Variants in CCSER1 observed in about 807,000 individuals in gnomAD.
CCSER1 encodes serine-rich coiled-coil domain-containing protein 1.
Under a neutral mutation model 82.0 loss-of-function variants are expected in CCSER1, and 41 were observed. The observed-to-expected ratio is 0.50, with a 90% confidence interval of 0.39 to 0.65. CCSER1 has a LOEUF of 0.65. Among genes scored for constraint, CCSER1 ranks in the 30% least tolerant of loss-of-function variants. CCSER1 has a pLI of 0.00. For synonymous variants in CCSER1, 414 were observed against 383.9 expected (o/e 1.08, Z -0.92); for missense variants, 1,119 against 1,064.2 (o/e 1.05, Z -0.72).
chr4:91,516,460 G>C (rs1760131485), intron 10 of CCSER1, among the ~76,000 whole-genome samples: 1 of 152,108 alleles, frequency 6.6e-6, no homozygotes, highest in Non-Finnish European at 1.5e-5. Flanking sequence ...TTATTGAATA[G>C]GAATACCTTT....
In CCSER1 at chr4:90,781,494, T is replaced by C. The variant is rs146248450; in HGVS notation, c.2011-34268T>C. ...CATAAAGCCCATGGAACTGAGTGTG[T>C]AATCTTCTCTTATTTGATTAGATGT... On this transcript the variant is annotated intron_variant, in intron 7 of 10. Coordinates refer to ENST00000509176, the MANE Select transcript of CCSER1 (RefSeq NM_001145065.2). 1.6e-4 allele frequency: 159 copies of C among 985,148 alleles called. No individual in the cohort carries two copies. The African/African-American group carries it at 2.7e-3, about 17-fold the overall frequency. The allele number at this position is 985,148 out of a possible 1,614,324, so 61.0% of individuals were successfully genotyped here.
chr4:90,150,878 A>G (rs1375787577), intron 1 of CCSER1, among the ~76,000 whole-genome samples: 2 of 152,168 alleles, frequency 1.3e-5, no homozygotes, highest in Non-Finnish European at 2.9e-5. Context: ...AAATGTATCC[A>G]ATGTATCTCA....
chr4:91,502,151 G>A (rs962320512), intron 10 of CCSER1, among the ~76,000 whole-genome samples: 1 of 152,158 alleles, frequency 6.6e-6, no homozygotes, highest in African/African-American at 2.4e-5. Flanking sequence ...GGACTGCCAG[G>A]GCTTTGAGGA....
intron 9 of CCSER1, among the ~76,000 whole-genome samples, chr4:90,976,855 A>G (rs1019718992): frequency 2.6e-5 from 4 of 151,554 alleles, no homozygotes; most frequent in Non-Finnish European, 5.9e-5. Context: ...CCTCTGTGGT[A>G]CACACAGAAA....
chr4:91,184,624 A>G (rs1050412902), intron 10 of CCSER1, among the ~76,000 whole-genome samples: 1 of 152,182 alleles, frequency 6.6e-6, no homozygotes, highest in Non-Finnish European at 1.5e-5. Context: ...CTCTTTACTT[A>G]GCAGCCATTG....
intron 10 of CCSER1, among the ~76,000 whole-genome samples, chr4:91,265,218 TTTGA>T (rs1485122523): frequency 6.6e-6 from 1 of 152,018 alleles, no homozygotes; most frequent in Non-Finnish European, 1.5e-5. Flanking sequence ...TCTTTGGAAC[TTTGA>T]TTAATTTAGA....
chr4:91,468,559 T>G (rs938418569), intron 10 of CCSER1, among the ~76,000 whole-genome samples: 1 of 151,988 alleles, frequency 6.6e-6, no homozygotes, highest in Non-Finnish European at 1.5e-5. Context: ...TAGGAATAGT[T>G]TTTTTTGATA....
At chr4:91,153,515 A>G (rs1333821972) in intron 10 of CCSER1, among the ~76,000 whole-genome samples, 2 of 151,928 alleles carry the variant, frequency 1.3e-5, no homozygotes, top group African/African-American at 4.8e-5. Context: ...TCTTCTCTCA[A>G]CTTGTCAAAG....
intron 10 of CCSER1, among the ~76,000 whole-genome samples, chr4:91,222,333 T>G (rs768360349): frequency 3.7e-4 from 57 of 152,012 alleles, no homozygotes; most frequent in Non-Finnish European, 7.5e-4. Context: ...CTGTAAAACC[T>G]CTTTGAATCT....
At chr4:90,584,197 A>G (rs1781736700) in intron 5 of CCSER1, among the ~76,000 whole-genome samples, 1 of 152,202 alleles carries the variant, frequency 6.6e-6, no homozygotes, top group African/African-American at 2.4e-5. Flanking sequence ...TGATCTCAAC[A>G]TAAGGAGATT....
At chr4:90,716,697 CA>C (rs1464656959) in intron 6 of CCSER1, among the ~76,000 whole-genome samples, 1 of 152,028 alleles carries the variant, frequency 6.6e-6, no homozygotes, top group African/African-American at 2.4e-5. Flanking sequence ...AGCCTGAGAG[CA>C]ATACGCTAAA....
intron 10 of CCSER1, among the ~76,000 whole-genome samples, chr4:91,189,224 T>C (rs1734811907): frequency 6.6e-6 from 1 of 152,136 alleles, no homozygotes; most frequent in Non-Finnish European, 1.5e-5. Flanking sequence ...ACAATTTGTC[T>C]TCATCATCAA....
In CCSER1 at chr4:90,127,629, CT is replaced by C. The variant is rs1489407922; in HGVS notation, c.-243del. 1 of 152,934 alleles carries C rather than the reference CT, an allele frequency of 6.5e-6. No individual in the cohort carries two copies. Among genetic ancestry groups the C allele is most frequent in the Non-Finnish European group, 1.5e-5 (1 of 68,614 alleles). The allele number at this position is 152,934 out of a possible 1,614,324, so 9.5% of individuals were successfully genotyped here. On this transcript the variant is annotated 5_prime_UTR_variant, in exon 1 of 11. The change abolishes the stop of an existing upstream ORF in the 5' untranslated region. Coordinates refer to ENST00000509176, the MANE Select transcript of CCSER1 (RefSeq NM_001145065.2). Reference sequence around the variant, plus strand: ...GGAAGCGGTGGCTCGGGCAGAGCAGCTCCGCTGGCGCAGGCAGGAGGAGCAG... The same window carrying C: ...GGAAGCGGTGGCTCGGGCAGAGCAGCCCGCTGGCGCAGGCAGGAGGAGCAG...
At chr4:90,907,710 T>G (rs1231360204) in intron 8 of CCSER1, among the ~76,000 whole-genome samples, 1 of 152,098 alleles carries the variant, frequency 6.6e-6, no homozygotes, top group Admixed American at 6.6e-5. Flanking sequence ...TTGTTTAATA[T>G]CCTCACTTTT....
At chr4:90,432,609 CTCTT>C (rs1758446537) in intron 4 of CCSER1, among the ~76,000 whole-genome samples, 3 of 149,792 alleles carry the variant, frequency 2.0e-5, no homozygotes, top group South Asian at 2.1e-4. Context: ...CTTTCTTTCT[CTCTT>C]TCTTTATTTT....
intron 10 of CCSER1, among the ~76,000 whole-genome samples, chr4:91,108,802 A>G (rs1363113616): frequency 2.0e-5 from 3 of 152,222 alleles, no homozygotes; most frequent in Non-Finnish European, 2.9e-5. Context: ...TTAGGTGTCA[A>G]CTTGACTAGA....
chr4:90,577,411 G>T (rs1231740290), intron 5 of CCSER1, among the ~76,000 whole-genome samples: 1 of 152,036 alleles, frequency 6.6e-6, no homozygotes, highest in Admixed American at 6.6e-5. Context: ...GTCAGTTTTA[G>T]TTGAGGGATT....
At chr4:90,328,739 T>C (rs1470607706) in intron 3 of CCSER1, among the ~76,000 whole-genome samples, 2 of 152,152 alleles carry the variant, frequency 1.3e-5, no homozygotes, top group Non-Finnish European at 2.9e-5. Context: ...GTCTCTGCTT[T>C]GTCTCCTTCA....
rs554934578 is a variant in CCSER1 at position 91,368,667 on chromosome 4, G to T, written c.2218-229905G>T. Among the ~76,000 whole-genome samples the T allele has an allele frequency of 3.9e-5, 6 of 151,994 alleles. No individual in the cohort carries two copies. In the South Asian group the frequency reaches 1.3e-3, roughly 32 times the overall value. ...TTCATAATTGCCATACAATTTTATG[G>T]ATCAAACATTTATAATTAACACATT... is the stretch of plus-strand genomic sequence containing the variant. On this transcript the variant is annotated intron_variant, in intron 10 of 10. Coordinates refer to ENST00000509176, the MANE Select transcript of CCSER1 (RefSeq NM_001145065.2).
Sources: allele counts gnomAD v4.1 joint callset (sites outside exome capture counted in the v4.1 genomes callset), GRCh38; gene constraint gnomAD v4.1.1; transcripts MANE v1.5; gene names NCBI Gene and HGNC (gene_info 2026-07-23, HGNC 2026-07-21).